The following BRINP3 variants were observed in gnomAD, a reference collection of about 807,000 sequenced individuals.
The protein encoded by BRINP3 is BMP/retinoic acid inducible neural specific 3, also known as BMP/retinoic acid-inducible neural-specific protein 3.
Under a neutral mutation model 71.0 loss-of-function variants are expected in BRINP3, and 19 were observed. The ratio of observed to expected loss-of-function variants is 0.27; its 90% CI spans 0.19 to 0.39. The LOEUF is 0.39. Ranked by LOEUF, BRINP3 falls within the 10% of genes least tolerant of loss-of-function variation. The probability of loss-of-function intolerance (pLI) is 1.00; values close to 1 mark genes in which losing one functional copy is unlikely to be tolerated. For synonymous variants in BRINP3, 380 were observed against 337.7 expected (o/e 1.13, Z -1.37); for missense variants, 959 against 940.8 (o/e 1.02, Z -0.25).
chr1:190,453,797 A>G (rs1230801066), intron 2 of BRINP3, among the ~76,000 whole-genome samples: 1 of 152,222 alleles, frequency 6.6e-6, no homozygotes, highest in Non-Finnish European at 1.5e-5. Context: ...TTTATATAGG[A>G]GTATCTACAT....
intron 2 of BRINP3, among the ~76,000 whole-genome samples, chr1:190,391,460 G>A (rs1391918124): frequency 6.6e-6 from 1 of 151,582 alleles, no homozygotes; most frequent in East Asian, 1.9e-4. Flanking sequence ...CATTTATGTC[G>A]ACAGTACTAT....
chr1:190,269,264 A>T (rs1661905654), intron 3 of BRINP3, among the ~76,000 whole-genome samples: 1 of 152,134 alleles, frequency 6.6e-6, no homozygotes, highest in Admixed American at 6.6e-5. Context: ...AAGGGAGATG[A>T]TTCTATCAAA....
chr1:190,399,687 A>C (rs887974988), intron 2 of BRINP3, among the ~76,000 whole-genome samples: 51 of 151,990 alleles, frequency 3.4e-4, no homozygotes, highest in African/African-American at 1.2e-3. Flanking sequence ...TTTTACCTAA[A>C]TATAAGATTT....
intron 1 of BRINP3, among the ~76,000 whole-genome samples, chr1:190,462,562 C>A (rs1261935315): frequency 6.6e-6 from 1 of 152,044 alleles, no homozygotes; most frequent in African/African-American, 2.4e-5. Flanking sequence ...TCCCTGACTA[C>A]CTGTGAGAAA....
chr1:190,307,584 A>G (rs550407261), intron 2 of BRINP3, among the ~76,000 whole-genome samples: 1 of 151,948 alleles, frequency 6.6e-6, no homozygotes, highest in African/African-American at 2.4e-5. Flanking sequence ...AAGCAAGGCC[A>G]TATTTTCACT....
intron 7 of BRINP3, among the ~76,000 whole-genome samples, chr1:190,133,852 G>C (rs1349211514): frequency 6.6e-6 from 1 of 152,028 alleles, no homozygotes; most frequent in South Asian, 2.1e-4. Context: ...AAATGAGGCA[G>C]GGTCCTGGCC....
intron 2 of BRINP3, among the ~76,000 whole-genome samples, chr1:190,341,690 G>C (rs968179588): frequency 1.3e-5 from 2 of 151,610 alleles, no homozygotes; most frequent in Non-Finnish European, 1.5e-5. Context: ...ATGGGAAAAA[G>C]AGGCAGAAAT....
intron 2 of BRINP3, among the ~76,000 whole-genome samples, chr1:190,294,661 A>T (rs575254441): frequency 1.2e-4 from 19 of 152,156 alleles, no homozygotes; most frequent in African/African-American, 4.6e-4. Context: ...TTCCTTGAAT[A>T]TTTTGGATAC....
chr1:190,380,623 A>G (rs1485747913), intron 2 of BRINP3, among the ~76,000 whole-genome samples: 1 of 152,186 alleles, frequency 6.6e-6, no homozygotes, highest in Non-Finnish European at 1.5e-5. Flanking sequence ...AATGAAGGAC[A>G]TTAGATCCAT....
At chr1:190,467,034 T>C (rs1266921211) in intron 1 of BRINP3, among the ~76,000 whole-genome samples, 5 of 151,576 alleles carry the variant, frequency 3.3e-5, no homozygotes. Flanking sequence ...TTTTCAGAAA[T>C]GTCCTGGTTT....
chr1:190,381,405 C>A (rs1041915183), intron 2 of BRINP3, among the ~76,000 whole-genome samples: 6 of 152,096 alleles, frequency 3.9e-5, no homozygotes, highest in Non-Finnish European at 8.8e-5. Flanking sequence ...ACCAAGCCAG[C>A]CCTGAGCTTC....
chr1:190,311,681 G>A (rs1665530613), intron 2 of BRINP3, among the ~76,000 whole-genome samples: 1 of 151,244 alleles, frequency 6.6e-6, no homozygotes, highest in African/African-American at 2.4e-5. Context: ...TCATCACAGT[G>A]TTATAAAAAA....
chr1:190,255,134 T>C lies in BRINP3; in HGVS notation c.618+9731A>G, dbSNP rs991281322. 3.9e-5 allele frequency among the ~76,000 whole-genome samples: 6 copies of C among 152,108 alleles called. No individual in the cohort carries two copies. The East Asian group carries it at 5.8e-4, about 15-fold the overall frequency. ...TCCCAGGGTGAAGCTGACTTGATTA[T>C]AGTGGATAAGCTTTTTGATGTGCTG... is the stretch of plus-strand genomic sequence containing the variant. On this transcript the variant is annotated intron_variant, in intron 4 of 7. Transcript: ENST00000367462.
At chr1:190,187,536 A>G (rs545627846) in intron 6 of BRINP3, among the ~76,000 whole-genome samples, 22 of 152,102 alleles carry the variant, frequency 1.4e-4, no homozygotes, top group Middle Eastern at 3.4e-3. Context: ...TATTTAATCT[A>G]TTTTTACTTG....
intron 6 of BRINP3, among the ~76,000 whole-genome samples, chr1:190,220,127 A>G (rs1656748096): frequency 6.6e-6 from 1 of 152,104 alleles, no homozygotes; most frequent in Non-Finnish European, 1.5e-5. Flanking sequence ...TTCAATCCCG[A>G]TAAGACTACC....
chr1:190,237,559 T>A (rs1658640847), intron 4 of BRINP3, among the ~76,000 whole-genome samples: 1 of 151,948 alleles, frequency 6.6e-6, no homozygotes, highest in African/African-American at 2.4e-5. Context: ...AATAAAATAC[T>A]TTGCCAGAGG....
chr1:190,141,138 A>G (rs116243845), intron 7 of BRINP3, among the ~76,000 whole-genome samples: 475 of 152,160 alleles, frequency 3.1e-3, no homozygotes, highest in African/African-American at 0.01. Context: ...AGGTTTTCTA[A>G]TTTGAATGTT....
In BRINP3 at chr1:190,373,840, CTG is replaced by C. The variant is rs201494209; in HGVS notation, c.236+80813_236+80814del. Among the ~76,000 whole-genome samples the C allele has an allele frequency of 5.4e-3, 823 of 151,296 alleles. 5 individuals carry two copies. The highest frequency in any genetic ancestry group is 0.018 in the African/African-American group (755 of 41,352). Reference sequence around the variant, plus strand: ...AAACAATTAAAAGTAATGGCAAAAACTGTGATTACTTTTGCACCAACCTAACA... The same window carrying C: ...AAACAATTAAAAGTAATGGCAAAAACTGATTACTTTTGCACCAACCTAACA... On this transcript the variant is annotated intron_variant, in intron 2 of 7. Transcript: ENST00000367462.
At chr1:190,350,790 C>A (rs1668329115) in intron 2 of BRINP3, among the ~76,000 whole-genome samples, 1 of 150,332 alleles carries the variant, frequency 6.7e-6, no homozygotes, top group South Asian at 2.1e-4. Context: ...TTTAAATGGG[C>A]TTCTGCAGCC....
Sources: gnomAD v4.1 joint callset for allele counts (sites outside exome capture counted in the v4.1 genomes callset) on GRCh38, gnomAD v4.1.1 for gene constraint, MANE v1.5 for transcripts, NCBI Gene and HGNC (gene_info 2026-07-23, HGNC 2026-07-21) for gene names.